Variants in SOBP observed in about 807,000 individuals in gnomAD.
SOBP encodes the protein sine oculis binding protein homolog.
Under a neutral mutation model 53.6 loss-of-function variants are expected in SOBP, and 4 were observed. That is an observed-to-expected ratio of 0.07 (90% CI 0.04 to 0.17). The LOEUF (loss-of-function observed/expected upper bound fraction) is 0.17, where lower values mean the gene tolerates loss of function less well. SOBP is among the 10% of genes least tolerant of loss of function. SOBP has a pLI of 1.00. For synonymous variants in SOBP, 584 were observed against 522.6 expected (o/e 1.12, Z -1.60); for missense variants, 1,088 against 1,204.7 (o/e 0.90, Z 1.43).
At chr6:107,598,121 A>G (rs1258291010) in intron 5 of SOBP, among the ~76,000 whole-genome samples, 2 of 152,148 alleles carry the variant, frequency 1.3e-5, no homozygotes, top group African/African-American at 4.8e-5. Context: ...ATAATGTAAA[A>G]TGTGCATCCT....
At chr6:107,508,760 A>AG (rs1354153030) in intron 3 of SOBP, among the ~76,000 whole-genome samples, 2 of 152,094 alleles carry the variant, frequency 1.3e-5, no homozygotes, top group African/African-American at 4.8e-5. Context: ...TGTGATACGG[A>AG]GGGGTCCACA....
intron 1 of SOBP, among the ~76,000 whole-genome samples, chr6:107,493,421 A>G (rs565550213): frequency 6.6e-6 from 1 of 152,304 alleles, no homozygotes; most frequent in Admixed American, 6.5e-5. Flanking sequence ...AGGTAGGGGA[A>G]ATGAAAGGGG....
chr6:107,587,207 A>G, intron 5 of SOBP, 32 bp downstream of exon 5: 1 of 1,559,246 alleles, frequency 6.4e-7, no homozygotes, highest in Non-Finnish European at 8.8e-7. Flanking sequence ...CAAGTCTAGA[A>G]TGTTACTTTA....
chr6:107,528,158 C>G (rs966259633), intron 3 of SOBP, among the ~76,000 whole-genome samples: 7 of 152,148 alleles, frequency 4.6e-5, no homozygotes, highest in Non-Finnish European at 1.0e-4. Context: ...TCATTACTTA[C>G]AAGTATATAT....
At chr6:107,564,944 C>T (rs1450832784) in intron 4 of SOBP, among the ~76,000 whole-genome samples, 4 of 152,132 alleles carry the variant, frequency 2.6e-5, no homozygotes, top group Non-Finnish European at 5.9e-5. Flanking sequence ...CTTTGGTTTG[C>T]TAAAGAAAAC....
intron 5 of SOBP, among the ~76,000 whole-genome samples, chr6:107,607,894 C>T (rs577173684): frequency 4.6e-5 from 7 of 152,246 alleles, no homozygotes; most frequent in South Asian, 2.1e-4. Flanking sequence ...GGCCTCTTTA[C>T]GGGGCCAGCT....
intron 6 of SOBP, among the ~76,000 whole-genome samples, chr6:107,655,643 T>C (rs1216835377): frequency 6.6e-6 from 1 of 152,194 alleles, no homozygotes; most frequent in Non-Finnish European, 1.5e-5. Context: ...AAAACACATA[T>C]TATTTACCAG....
chr6:107,554,878 G>A (rs1784564318), intron 4 of SOBP, among the ~76,000 whole-genome samples: 2 of 152,290 alleles, frequency 1.3e-5, no homozygotes. Flanking sequence ...GGAGGTGGTG[G>A]AGAAACTGTT....
At chr6:107,535,775 A>G (rs544965267) in intron 4 of SOBP, among the ~76,000 whole-genome samples, 1 of 152,100 alleles carries the variant, frequency 6.6e-6, no homozygotes, top group African/African-American at 2.4e-5. Flanking sequence ...CATTTCTGTT[A>G]ACTGATAGGA....
At chr6:107,619,955 AGGTTAT>A (rs1786943953) in intron 5 of SOBP, among the ~76,000 whole-genome samples, 1 of 152,138 alleles carries the variant, frequency 6.6e-6, no homozygotes. Context: ...AATACCTGGA[AGGTTAT>A]GGTAAGGATT....
chr6:107,630,637 T>C (rs939902180), intron 5 of SOBP, among the ~76,000 whole-genome samples: 9 of 152,198 alleles, frequency 5.9e-5, no homozygotes, highest in South Asian at 2.1e-4. Flanking sequence ...GTGACAGTTT[T>C]TCCTCTAATA....
At chr6:107,500,784 C>G (rs772918898) in intron 1 of SOBP, among the ~76,000 whole-genome samples, 3 of 152,160 alleles carry the variant, frequency 2.0e-5, no homozygotes, top group Non-Finnish European at 4.4e-5. Flanking sequence ...CTTGGCCTCC[C>G]AAAGTGCTGG....
At chr6:107,610,948 A>G (rs1438640716) in intron 5 of SOBP, among the ~76,000 whole-genome samples, 1 of 152,240 alleles carries the variant, frequency 6.6e-6, no homozygotes, top group African/African-American at 2.4e-5. Context: ...TAGAGTATGA[A>G]TTTAATACCT....
At chr6:107,552,240 T>C (rs1411036821) in intron 4 of SOBP, among the ~76,000 whole-genome samples, 1 of 152,218 alleles carries the variant, frequency 6.6e-6, no homozygotes, top group East Asian at 1.9e-4. Flanking sequence ...CATTGTGGGC[T>C]CTCTTAGCAG....
chr6:107,575,351 C>T (rs1049894279), intron 4 of SOBP, among the ~76,000 whole-genome samples: 4 of 152,106 alleles, frequency 2.6e-5, no homozygotes, highest in Admixed American at 6.5e-5. Context: ...TCCTTTGTTC[C>T]GGATGACAGC....
intron 4 of SOBP, among the ~76,000 whole-genome samples, chr6:107,574,922 T>C (rs1785181772): frequency 1.3e-5 from 2 of 152,182 alleles, no homozygotes; most frequent in Admixed American, 1.3e-4. Flanking sequence ...GAGGGCGAGT[T>C]ACCTCTCACC....
At chr6:107,601,519 A>G (rs1273642292) in intron 5 of SOBP, among the ~76,000 whole-genome samples, 1 of 152,238 alleles carries the variant, frequency 6.6e-6, no homozygotes. Flanking sequence ...TGCAAGAAAC[A>G]CTTTCGAAAT....
chr6:107,595,477 A>C (rs766832942), intron 5 of SOBP, among the ~76,000 whole-genome samples: 11 of 151,672 alleles, frequency 7.3e-5, no homozygotes, highest in Non-Finnish European at 1.2e-4. Flanking sequence ...TCTGGCAATA[A>C]ATTAGCATAT....
In SOBP at chr6:107,551,616, CA is replaced by C. The variant is rs201238435; in HGVS notation, c.573+18010del. 5.4e-3 allele frequency among the ~76,000 whole-genome samples: 825 copies of C among 152,188 alleles called. 8 individuals are homozygous for C. The highest frequency in any genetic ancestry group is 0.019 in the African/African-American group (787 of 41,516). On this transcript the variant is annotated intron_variant, in intron 4 of 6. Transcript: ENST00000317357. ...AAAAATATCTGGGTTTTAGAATACGCAAAACAGGGCATATGTATTTAAAACT... is the reference window on the plus strand; with the variant it reads ...AAAAATATCTGGGTTTTAGAATACGCAAACAGGGCATATGTATTTAAAACT...
Sources: gnomAD v4.1 joint callset for allele counts (sites outside exome capture counted in the v4.1 genomes callset) on GRCh38, gnomAD v4.1.1 for gene constraint, MANE v1.5 for transcripts, NCBI Gene and HGNC (gene_info 2026-07-23, HGNC 2026-07-21) for gene names.